The following RUFY3 variants were observed in gnomAD, a reference collection of about 807,000 sequenced individuals.
The protein encoded by RUFY3 is RUN and FYVE domain containing 3, also known as protein RUFY3.
RUFY3 carries 34 observed loss-of-function variants against 84.0 expected under a neutral mutation model. That is an observed-to-expected ratio of 0.40 (90% confidence interval 0.31 to 0.54). RUFY3 has a LOEUF of 0.54. Among genes scored for constraint, RUFY3 ranks in the 20% least tolerant of loss-of-function variants. The probability of loss-of-function intolerance (pLI) is 0.39; values close to 1 mark genes in which losing one functional copy is unlikely to be tolerated. For missense variants in RUFY3, 507 were observed against 736.8 expected (o/e 0.69, Z 3.61); for synonymous variants, 242 against 252.9 (o/e 0.96, Z 0.41).
chr4:70,759,356 T>TTGTG (rs1553911985), intron 1 of RUFY3, among the ~76,000 whole-genome samples: 28 of 120,006 alleles, frequency 2.3e-4, no homozygotes, highest in African/African-American at 8.6e-4. Context: ...ATGGCTGAAT[T>TTGTG]TGTGTGTGTG....
intron 5 of RUFY3, among the ~76,000 whole-genome samples, chr4:70,770,712 G>A (rs1270682263): frequency 1.3e-5 from 2 of 152,126 alleles, no homozygotes; most frequent in African/African-American, 4.8e-5. Flanking sequence ...ATTTGTTCAT[G>A]AGTAGCACTT....
At chr4:70,711,999 A>C (rs577859843) in intron 1 of RUFY3, among the ~76,000 whole-genome samples, 2 of 151,186 alleles carry the variant, frequency 1.3e-5, no homozygotes, top group African/African-American at 4.9e-5. Context: ...CAGAACAACA[A>C]TTTCAGAATA....
chr4:70,705,893 A>T lies in RUFY3; in HGVS notation c.358+599A>T, dbSNP rs948428545. ...ATGACAGATCCGTCCCCCGGATTGG[A>T]AAGAGAAATCGGAGCGGTGCATGAG... On this transcript the variant is annotated intron_variant, in intron 1 of 11. Transcript: ENST00000417478. 8.5e-5 allele frequency among the ~76,000 whole-genome samples: 13 copies of T among 152,304 alleles called. No individual in the cohort carries two copies. In the East Asian group the frequency reaches 2.5e-3, roughly 29 times the overall value.
At position 70,722,500 on chromosome 4, in the gene RUFY3, G is replaced by T. The variant is rs1742434933; in HGVS notation, c.-74G>T. On this transcript the variant is annotated 5_prime_UTR_variant, in exon 1 of 18. Transcript: ENST00000381006. ...ATTGGGTTTTTTTGGTGAGGAGGTT[G>T]TATTTATTTTTTTGGTGTGTGTGTG... The T allele has an allele frequency of 2.1e-6, 3 of 1,456,100 alleles. No homozygotes were observed. The highest frequency in any genetic ancestry group is 1.4e-5 in the African/African-American group (1 of 71,472). The allele number at this position is 1,456,100 out of a possible 1,614,324, so 90.2% of individuals were successfully genotyped here.
chr4:70,784,961 G>C (rs536422582), intron 10 of RUFY3, 82 bp downstream of exon 10: 1 of 905,808 alleles, frequency 1.1e-6, no homozygotes, highest in East Asian at 2.9e-5. Flanking sequence ...TACAGACCAA[G>C]ATTAGGAATA....
At chr4:70,800,035 C>A in intron 14 of RUFY3, 106 bp from the exon 15 acceptor site, 2 of 984,738 alleles carry the variant, frequency 2.0e-6, no homozygotes, top group Non-Finnish European at 3.0e-6. Context: ...ATAAAAAAAG[C>A]TACTTAGCTT....
intron 1 of RUFY3, among the ~76,000 whole-genome samples, chr4:70,746,452 A>G (rs1722236718): frequency 6.7e-6 from 1 of 150,296 alleles, no homozygotes; most frequent in South Asian, 2.1e-4. Flanking sequence ...GGTTGCAGTG[A>G]GCCGAGATTG....
intron 4 of RUFY3, among the ~76,000 whole-genome samples, chr4:70,767,360 T>G (rs368357167): frequency 6.1e-5 from 9 of 148,530 alleles, no homozygotes; most frequent in African/African-American, 2.2e-4. Flanking sequence ...TCCACCCGCC[T>G]TGACCTCCCA....
intron 1 of RUFY3, among the ~76,000 whole-genome samples, chr4:70,743,291 C>G (rs1294880008): frequency 6.6e-6 from 1 of 151,916 alleles, no homozygotes; most frequent in South Asian, 2.1e-4. Context: ...AGGCTGGTCT[C>G]GAACTCCTGA....
intron 14 of RUFY3, among the ~76,000 whole-genome samples, chr4:70,798,072 T>G (rs1178033799): frequency 6.6e-6 from 1 of 151,872 alleles, no homozygotes; most frequent in Non-Finnish European, 1.5e-5. Context: ...TCTTGAGTGG[T>G]GTAAGAACAC....
chr4:70,774,250 C>T (rs745624390), intron 6 of RUFY3, among the ~76,000 whole-genome samples: 1 of 151,950 alleles, frequency 6.6e-6, no homozygotes, highest in Non-Finnish European at 1.5e-5. Context: ...TATCTTTTGT[C>T]TACTACAGAT....
chr4:70,722,522 TGTGTGA>T lies in RUFY3; in HGVS notation c.-46_-41del. ...GTTGTATTTATTTTTTTGGTGTGTG[TGTGTGA>T]GTGTGTGTGTGTCTGTGTGTGTGTT... On this transcript the variant is annotated 5_prime_UTR_variant, in exon 1 of 18. Transcript: ENST00000381006. The T allele has an allele frequency of 6.4e-7, 1 of 1,556,894 alleles. No homozygotes were observed. The highest frequency in any genetic ancestry group is 8.7e-7 in the Non-Finnish European group (1 of 1,146,246).
At chr4:70,794,920 T>A in intron 14 of RUFY3, 26 bp downstream of exon 14, 2 of 1,447,510 alleles carry the variant, frequency 1.4e-6, no homozygotes, top group Non-Finnish European at 1.9e-6. Flanking sequence ...CCCTTGTTCT[T>A]TTACTTAATT....
exon 1 of RUFY3, chr4:70,705,260 C>A: frequency 7.0e-7 from 1 of 1,425,624 alleles, no homozygotes; most frequent in Non-Finnish European, 9.1e-7. Context: ...GCTACCCGAG[C>A]GGCGGCGGCG....
intron 14 of RUFY3, among the ~76,000 whole-genome samples, chr4:70,799,235 A>T (rs1241408856): frequency 6.6e-6 from 1 of 151,620 alleles, no homozygotes; most frequent in Non-Finnish European, 1.5e-5. Context: ...TGAGTTGAAC[A>T]GGCTATAGAG....
At chr4:70,733,139 A>G (rs113251192) in intron 1 of RUFY3, among the ~76,000 whole-genome samples, 12,308 of 89,218 alleles carry the variant, frequency 0.14, 675 homozygotes, top group Non-Finnish European at 0.18. Flanking sequence ...GGAGGGAGGG[A>G]GAGAGAGAGA....
intron 14 of RUFY3, among the ~76,000 whole-genome samples, chr4:70,797,145 G>A (rs1468965193): frequency 6.6e-6 from 1 of 151,804 alleles, no homozygotes; most frequent in African/African-American, 2.4e-5. Context: ...GTTTTGCCAT[G>A]TTGTCCAGGC....
chr4:70,707,505 C>T (rs1414682070), intron 1 of RUFY3, among the ~76,000 whole-genome samples: 1 of 152,176 alleles, frequency 6.6e-6, no homozygotes, highest in Non-Finnish European at 1.5e-5. Flanking sequence ...CTCAGCCTCC[C>T]AAAGTGCTGG....
chr4:70,726,534 C>T (rs1379090294), intron 1 of RUFY3, among the ~76,000 whole-genome samples: 4 of 152,116 alleles, frequency 2.6e-5, no homozygotes, highest in Non-Finnish European at 5.9e-5. Context: ...CCACCACGCC[C>T]AGCTAATTTT....
Sources: gnomAD v4.1 joint callset for allele counts (sites outside exome capture counted in the v4.1 genomes callset) on GRCh38, gnomAD v4.1.1 for gene constraint, MANE v1.5 for transcripts, NCBI Gene and HGNC (gene_info 2026-07-23, HGNC 2026-07-21) for gene names.